GMDS: variants seen among roughly 807,000 people sequenced by gnomAD.
The protein encoded by GMDS is GDP-mannose 4,6 dehydratase.
Under a neutral mutation model 49.9 loss-of-function variants are expected in GMDS, and 20 were observed. The ratio of observed to expected loss-of-function variants is 0.40; its 90% CI spans 0.28 to 0.58. GMDS has a LOEUF of 0.58. Ranked by LOEUF, GMDS falls within the 20% of genes least tolerant of loss-of-function variation. The probability of loss-of-function intolerance (pLI) is 0.42; values close to 1 mark genes in which losing one functional copy is unlikely to be tolerated. For missense variants in GMDS, 362 were observed against 481.4 expected, an observed-to-expected ratio of 0.75 and a Z score of 2.32; for synonymous variants, 177 against 178.6, an observed-to-expected ratio of 0.99 and a Z score of 0.07.
intron 4 of GMDS, among the ~76,000 whole-genome samples, chr6:2,100,464 A>G (rs1429125138): frequency 1.3e-5 from 2 of 152,054 alleles, no homozygotes; most frequent in Non-Finnish European, 2.9e-5. Flanking sequence ...TGATGTTTCA[A>G]TAAGATACCT....
intron 4 of GMDS, among the ~76,000 whole-genome samples, chr6:2,063,429 C>T (rs768634314): frequency 1.3e-5 from 2 of 152,146 alleles, no homozygotes; most frequent in Non-Finnish European, 2.9e-5. Flanking sequence ...CAAGAAATCA[C>T]AAAGCACAAA....
At chr6:2,104,496 G>C (rs1471566987) in intron 4 of GMDS, among the ~76,000 whole-genome samples, 1 of 152,118 alleles carries the variant, frequency 6.6e-6, no homozygotes, top group East Asian at 1.9e-4. Context: ...GTATAAAAGA[G>C]CACAACATTC....
chr6:1,854,911 A>G (rs759540443), intron 7 of GMDS, among the ~76,000 whole-genome samples: 1 of 152,240 alleles, frequency 6.6e-6, no homozygotes, highest in Non-Finnish European at 1.5e-5. Context: ...AAGATGAGAA[A>G]TAAGCCATTC....
chr6:2,222,820 C>A (rs1233047890), intron 1 of GMDS, among the ~76,000 whole-genome samples: 1 of 152,110 alleles, frequency 6.6e-6, no homozygotes, highest in African/African-American at 2.4e-5. Flanking sequence ...GATATGCCAA[C>A]CAGACTTGGT....
intron 7 of GMDS, among the ~76,000 whole-genome samples, chr6:1,756,896 C>T (rs920265827): frequency 2.6e-5 from 4 of 152,186 alleles, no homozygotes; most frequent in Non-Finnish European, 4.4e-5. Flanking sequence ...TCACTTCCTC[C>T]GCACGCATTG....
chr6:1,771,713 G>C (rs1024190584), intron 7 of GMDS, among the ~76,000 whole-genome samples: 1 of 152,214 alleles, frequency 6.6e-6, no homozygotes, highest in African/African-American at 2.4e-5. Flanking sequence ...ATCTGTCAAA[G>C]TCACACAGTG....
chr6:1,754,251 A>G lies in GMDS; in HGVS notation c.772-11665T>C, dbSNP rs376677811. 2.0e-4 allele frequency among the ~76,000 whole-genome samples: 30 copies of G among 152,336 alleles called. 1 individual carries two copies. The highest frequency in any genetic ancestry group is 7.0e-4 in the African/African-American group (29 of 41,580). ...ACAAACTACCATCAGAGAATACTATAAACACCTCTATGCAAATAAACTAGA... is the reference window on the plus strand; with the variant it reads ...ACAAACTACCATCAGAGAATACTATGAACACCTCTATGCAAATAAACTAGA... On this transcript the variant is annotated intron_variant, in intron 7 of 10. Coordinates refer to ENST00000380815, the MANE Select transcript of GMDS (RefSeq NM_001500.4).
chr6:1,985,285 C>A (rs1049756376), intron 4 of GMDS, among the ~76,000 whole-genome samples: 1 of 152,114 alleles, frequency 6.6e-6, no homozygotes, highest in Non-Finnish European at 1.5e-5. Flanking sequence ...TGGACCAGAG[C>A]ATCCTAGAGG....
At chr6:1,919,000 A>C (rs562778297) in intron 7 of GMDS, among the ~76,000 whole-genome samples, 1 of 152,332 alleles carries the variant, frequency 6.6e-6, no homozygotes, top group Admixed American at 6.5e-5. Context: ...CTAGCTAAAG[A>C]AAGCATCTTT....
intron 1 of GMDS, among the ~76,000 whole-genome samples, chr6:2,136,873 A>G (rs1317919774): frequency 6.7e-6 from 1 of 150,122 alleles, no homozygotes; most frequent in Non-Finnish European, 1.5e-5. Context: ...ACTACATTCT[A>G]GCCTGGGTGA....
At chr6:1,978,666 G>A (rs1765054585) in intron 4 of GMDS, among the ~76,000 whole-genome samples, 1 of 152,142 alleles carries the variant, frequency 6.6e-6, no homozygotes, top group African/African-American at 2.4e-5. Context: ...TTGCCTGTTT[G>A]GGCTGCCTGT....
intron 7 of GMDS, among the ~76,000 whole-genome samples, chr6:1,847,134 G>A (rs1757448451): frequency 6.6e-6 from 1 of 152,090 alleles, no homozygotes; most frequent in Admixed American, 6.5e-5. Context: ...ATAGCTCACT[G>A]CAGTCTACCA....
At chr6:1,952,161 T>G in intron 6 of GMDS, 1 of 195,618 alleles carries the variant, frequency 5.1e-6, no homozygotes, top group Non-Finnish European at 9.3e-6. Context: ...AAGCTTTAAA[T>G]TCCTATTTCA....
At chr6:2,030,416 C>G (rs546538110) in intron 4 of GMDS, among the ~76,000 whole-genome samples, 35 of 152,230 alleles carry the variant, frequency 2.3e-4, no homozygotes, top group African/African-American at 8.2e-4. Flanking sequence ...ATTTGTAGGA[C>G]GAGGTTAAGA....
chr6:2,080,590 G>C (rs1412814307), intron 4 of GMDS, among the ~76,000 whole-genome samples: 1 of 152,204 alleles, frequency 6.6e-6, no homozygotes, highest in Non-Finnish European at 1.5e-5. Flanking sequence ...CACAGCACCA[G>C]TTATCTGTGA....
In GMDS at chr6:1,738,759, C is replaced by T. The variant is rs537550165; in HGVS notation, c.890+3709G>A. Among the ~76,000 whole-genome samples, 17 of 152,300 alleles carry T rather than the reference C, an allele frequency of 1.1e-4. No individual in the cohort carries two copies. The South Asian group carries it at 3.5e-3, about 32-fold the overall frequency. On this transcript the variant is annotated intron_variant, in intron 8 of 10. Transcript: ENST00000380815. ...TTCACCCTCTACATCTGGCTGTTCA[C>T]CAAATCCCGCTGATTCTAAGACTCA... is the stretch of plus-strand genomic sequence containing the variant.
In GMDS at chr6:2,191,713, G is replaced by A. The variant is rs1581774687; in HGVS notation, c.102+53608C>T. Among the ~76,000 whole-genome samples, 1 of 152,224 alleles carries A rather than the reference G, an allele frequency of 6.6e-6. No homozygotes were observed. The highest frequency in any genetic ancestry group is 2.4e-5 in the African/African-American group (1 of 41,464). ...CTCTGTGTGCTGACAAGCATGGGAT[G>A]TGGAACCTAGGGGGACACTGAGAGC... On this transcript the variant is annotated intron_variant, in intron 1 of 10. Transcript: ENST00000380815. The surrounding 1 kb of genome is among the most constrained non-coding windows in gnomAD (Gnocchi z 4.6).
chr6:1,669,867 C>T (rs1245985989), intron 9 of GMDS, among the ~76,000 whole-genome samples: 4 of 144,484 alleles, frequency 2.8e-5, no homozygotes, highest in South Asian at 2.2e-4. Flanking sequence ...GAGCCGAGAT[C>T]GCGCCACTGC....
At chr6:2,047,993 G>T (rs1480506605) in intron 4 of GMDS, among the ~76,000 whole-genome samples, 1 of 152,046 alleles carries the variant, frequency 6.6e-6, no homozygotes, top group Non-Finnish European at 1.5e-5. Flanking sequence ...CTATACCCCT[G>T]GGTTCATACT....
Sources: allele counts gnomAD v4.1 joint callset (sites outside exome capture counted in the v4.1 genomes callset), GRCh38; gene constraint gnomAD v4.1.1; non-coding constraint Gnocchi (gnomAD v3.1); transcripts MANE v1.5; gene names NCBI Gene and HGNC (gene_info 2026-07-23, HGNC 2026-07-21).